PCDHGA4: variants seen among roughly 807,000 people sequenced by gnomAD.
PCDHGA4 encodes protocadherin gamma subfamily A, 4.
In PCDHGA4, 38 loss-of-function variants were observed where a neutral mutation model predicts 54.6. The ratio of observed to expected loss-of-function variants is 0.70; its 90% CI spans 0.54 to 0.91. The LOEUF (loss-of-function observed/expected upper bound fraction) is 0.91, where lower values mean the gene tolerates loss of function less well. Among genes scored for constraint, PCDHGA4 ranks in the 40% least tolerant of loss-of-function variants. The pLI is 0.00. For synonymous variants in PCDHGA4, 511 were observed against 512.9 expected, an observed-to-expected ratio of 1.00 and a Z score of 0.05; for missense variants, 1,298 against 1,220.9, an observed-to-expected ratio of 1.06 and a Z score of -0.94.
chr5:141,376,635 T>C, intron 1 of PCDHGA4: 3 of 1,245,578 alleles, frequency 2.4e-6, no homozygotes, highest in Non-Finnish European at 3.3e-6. Flanking sequence ...AGATTCGTGA[T>C]TTTGTAAAGT....
chr5:141,409,022 A>G (rs1258261622), intron 1 of PCDHGA4: 1 of 1,614,046 alleles, frequency 6.2e-7, no homozygotes, highest in Non-Finnish European at 8.5e-7. Flanking sequence ...TGAGGGGGTC[A>G]ATGCTGAGAT....
intron 1 of PCDHGA4, chr5:141,440,945 A>T (rs1210278728): frequency 2.6e-5 from 4 of 152,234 alleles, no homozygotes; most frequent in African/African-American, 9.7e-5. Flanking sequence ...CCAGGACTAG[A>T]GTGTCAAGGC....
At chr5:141,495,089 C>G (rs1440289878) in intron 2 of PCDHGA4, among the ~76,000 whole-genome samples, 2 of 152,284 alleles carry the variant, frequency 1.3e-5, no homozygotes, top group East Asian at 3.9e-4. Flanking sequence ...TGCCCCTTCC[C>G]TCCTCGCCAC....
chr5:141,428,624 C>CT, intron 1 of PCDHGA4: 1 of 193,988 alleles, frequency 5.2e-6, no homozygotes, highest in South Asian at 1.1e-4. Context: ...AAGATAAGCT[C>CT]TAACTCTGTT....
In PCDHGA4 at chr5:141,431,788, T is replaced by G. The variant is rs775397713; in HGVS notation, c.2515-63019T>G. 1 of 1,614,190 alleles carries G rather than the reference T, an allele frequency of 6.2e-7. No homozygotes were observed. The highest frequency in any genetic ancestry group is 1.1e-5 in the South Asian group (1 of 91,080). ...TCACTGTTCTGGACGTGAACGACAA[T>G]GCCCCAGAAGTGGTCCTCACCTCTC... On this transcript the variant is annotated intron_variant, in intron 1 of 3. Coordinates refer to ENST00000571252, the MANE Select transcript of PCDHGA4 (RefSeq NM_018917.4). The surrounding 1 kb of genome is among the most constrained non-coding windows in gnomAD (Gnocchi z 4.8).
intron 1 of PCDHGA4, among the ~76,000 whole-genome samples, chr5:141,368,915 A>G (rs1765921156): frequency 6.6e-6 from 1 of 152,228 alleles, no homozygotes; most frequent in Non-Finnish European, 1.5e-5. Context: ...TAAAGGTGAC[A>G]ATGAGTGTCT....
intron 1 of PCDHGA4, chr5:141,377,857 T>C (rs1234593870): frequency 6.6e-6 from 1 of 152,172 alleles, no homozygotes. Context: ...AAAATTAAGA[T>C]TTAAAAGACT....
intron 1 of PCDHGA4, chr5:141,423,302 T>G (rs1221185261): frequency 6.2e-7 from 1 of 1,614,144 alleles, no homozygotes. Context: ...GACCTCTCGC[T>G]GTACTTGGTG....
chr5:141,483,432 ACT>A (rs2099581241), intron 1 of PCDHGA4, among the ~76,000 whole-genome samples: 1 of 152,200 alleles, frequency 6.6e-6, no homozygotes, highest in African/African-American at 2.4e-5. Flanking sequence ...GAGGGAGCTG[ACT>A]ACAATAAAAT....
At chr5:141,384,163 C>G (rs535530763) in intron 1 of PCDHGA4, 2 of 1,613,658 alleles carry the variant, frequency 1.2e-6, no homozygotes, top group African/African-American at 1.3e-5. Context: ...TAACATCACA[C>G]TGAAAGCCAC....
chr5:141,370,278 A>G, intron 1 of PCDHGA4: 2 of 888,588 alleles, frequency 2.3e-6, no homozygotes, highest in Non-Finnish European at 3.4e-6. Flanking sequence ...GGAGACACCC[A>G]TTAGAGAACC....
In PCDHGA4 at chr5:141,476,040, G is replaced by A; in HGVS notation, c.2515-18767G>A. 2.0e-6 allele frequency: 3 copies of A among 1,488,704 alleles called. No individual in the cohort carries two copies. Among genetic ancestry groups the A allele is most frequent in the Admixed American group, 2.2e-5 (1 of 44,984 alleles). 92.2% of individuals were successfully genotyped at this position (1,488,704 alleles called of 1,614,324 possible). On this transcript the variant is annotated intron_variant, in intron 1 of 3. Coordinates refer to ENST00000571252, the MANE Select transcript of PCDHGA4 (RefSeq NM_018917.4). The surrounding 1 kb of genome is among the most constrained non-coding windows in gnomAD (Gnocchi z 7.6). The stretch of plus-strand genomic sequence containing the variant: ...CGGACTCGGCGCCCAGCGCCCAAGC[G>A]CTAACCCGCTGAAAGTTTCTCAGCG...
chr5:141,423,848 G>C (rs1353181066), intron 1 of PCDHGA4: 1 of 1,277,462 alleles, frequency 7.8e-7, no homozygotes, highest in Non-Finnish European at 9.9e-7. Flanking sequence ...TAATCTTTCA[G>C]AACGTTTTTG....
At chr5:141,478,821 A>G (rs72790063) in intron 1 of PCDHGA4, 38,524 of 1,444,166 alleles carry the variant, frequency 0.027, 650 homozygotes, top group East Asian at 0.045. Flanking sequence ...CAACTAACCA[A>G]TCTTGCTAAG....
chr5:141,362,679 C>A, intron 1 of PCDHGA4: 1 of 1,209,570 alleles, frequency 8.3e-7, no homozygotes. Context: ...CCTTAATTGT[C>A]TTAATCTTAT....
intron 1 of PCDHGA4, among the ~76,000 whole-genome samples, chr5:141,453,490 G>A (rs921556476): frequency 6.6e-6 from 1 of 151,922 alleles, no homozygotes; most frequent in Admixed American, 6.6e-5. Flanking sequence ...TTAAAAAAAG[G>A]TGTACTCAGA....
intron 1 of PCDHGA4, chr5:141,414,805 C>T (rs1464881022): frequency 1.2e-6 from 2 of 1,614,224 alleles, no homozygotes; most frequent in Middle Eastern, 1.6e-4. Flanking sequence ...CAGCGGGGAT[C>T]CTCCACTCAG....
At chr5:141,394,189 C>T (rs543330174) in intron 1 of PCDHGA4, 1 of 1,613,892 alleles carries the variant, frequency 6.2e-7, no homozygotes, top group Admixed American at 1.7e-5. Flanking sequence ...TCCTACTCAG[C>T]GTATATCCTA....
At chr5:141,361,569 C>T in intron 1 of PCDHGA4, 1 of 1,614,072 alleles carries the variant, frequency 6.2e-7, no homozygotes. Flanking sequence ...GTGCCTCTGA[C>T]CCTGACTTGG....
Sources: gnomAD v4.1 joint callset for allele counts (sites outside exome capture counted in the v4.1 genomes callset) on GRCh38, gnomAD v4.1.1 for gene constraint, Gnocchi (gnomAD v3.1) non-coding constraint, MANE v1.5 for transcripts, NCBI Gene and HGNC (gene_info 2026-07-23, HGNC 2026-07-21) for gene names.